Variants in TEAD1 observed in about 807,000 individuals in gnomAD.
TEAD1 encodes the protein TEA domain transcription factor 1.
Under a neutral mutation model 54.9 loss-of-function variants are expected in TEAD1, and 9 were observed. That is an observed-to-expected ratio of 0.16 (90% CI 0.10 to 0.29). The LOEUF (loss-of-function observed/expected upper bound fraction) is 0.29. Ranked by LOEUF, TEAD1 falls within the 10% of genes least tolerant of loss-of-function variation. The probability of loss-of-function intolerance (pLI) is 1.00; values close to 1 mark genes in which losing one functional copy is unlikely to be tolerated. For synonymous variants in TEAD1, 200 were observed against 187.8 expected (o/e 1.07, Z -0.53); for missense variants, 387 against 535.9 (o/e 0.72, Z 2.74).
intron 3 of TEAD1, among the ~76,000 whole-genome samples, chr11:12,811,098 A>C (rs1946291135): frequency 6.6e-6 from 1 of 152,216 alleles, no homozygotes; most frequent in Non-Finnish European, 1.5e-5. Context: ...ATATAAGCCT[A>C]AAACAGCTAT....
chr11:12,775,041 T>C (rs1945391040), intron 3 of TEAD1, among the ~76,000 whole-genome samples: 2 of 152,192 alleles, frequency 1.3e-5, no homozygotes, highest in South Asian at 4.1e-4. Flanking sequence ...AAGGAAGTTA[T>C]ATCATATTTT....
chr11:12,857,198 G>C (rs913024270), intron 3 of TEAD1, among the ~76,000 whole-genome samples: 12 of 152,078 alleles, frequency 7.9e-5, no homozygotes, highest in Non-Finnish European at 1.5e-4. Context: ...TATTATTTAG[G>C]AAAAAGAAAA....
At chr11:12,710,981 A>C (rs925816917) in intron 2 of TEAD1, among the ~76,000 whole-genome samples, 6 of 152,270 alleles carry the variant, frequency 3.9e-5, no homozygotes, top group Admixed American at 3.3e-4. Flanking sequence ...GGCCCCCGCC[A>C]TTTTGGGTTT....
At position 12,881,051 on chromosome 11, in the gene TEAD1, A is replaced by G. The variant is rs1359958794; in HGVS notation, c.512A>G (p.Asp171Gly). 1 of 1,613,964 alleles carries G rather than the reference A, an allele frequency of 6.2e-7. No individual in the cohort carries two copies. The highest frequency in any genetic ancestry group is 1.3e-5 in the African/African-American group (1 of 74,914). Residue 171 changes from aspartate (D) to glycine (G), a missense_variant and splice_region_variant, in exon 7 of 13, where the codon GAC (aspartate) becomes GGC (glycine). Physicochemically the swap from Asp to Gly is moderately conservative, Grantham distance 94 (BLOSUM62 -1). This residue lies in a region of TEAD1 where 180 missense variants were observed against 180.6 expected (regional missense o/e 1.00). Transcript: ENST00000527636. ...ACAGGGCAGCCAGGATCCTCACAAGAGTAAGTCTGAGGAGGGGTGGGCACT... is the reference window on the plus strand; with the variant it reads ...ACAGGGCAGCCAGGATCCTCACAAGGGTAAGTCTGAGGAGGGGTGGGCACT...
intron 3 of TEAD1, among the ~76,000 whole-genome samples, chr11:12,827,534 T>C (rs12277874): frequency 0.088 from 13,324 of 152,260 alleles, 720 homozygotes; most frequent in South Asian, 0.18. Context: ...AGTTAATGAC[T>C]TGCTAAAAAT....
chr11:12,703,360 T>C (rs1943743200), intron 2 of TEAD1, among the ~76,000 whole-genome samples: 3 of 152,176 alleles, frequency 2.0e-5, no homozygotes, highest in Admixed American at 2.0e-4. Flanking sequence ...ACTCCCCTGC[T>C]CGGTACGTGG....
At position 12,939,636 on chromosome 11, in the gene TEAD1, C is replaced by G. The variant is rs962896303; in HGVS notation, c.*2414C>G. 6.6e-6 allele frequency: 1 copy of G among 152,344 alleles called. No individual in the cohort carries two copies. Among genetic ancestry groups the G allele is most frequent in the Admixed American group, 6.5e-5 (1 of 15,284 alleles). 9.4% of individuals were successfully genotyped at this position (152,344 alleles called of 1,614,324 possible). A position where few individuals can be genotyped will look rare whatever the true frequency, so the allele number is the denominator to read the frequency against. ...CTGGGCCCCCCTGGTGCTTCACCAC[C>G]TGCATCCTCTTGCTCAGAATGCCTT... On this transcript the variant is annotated 3_prime_UTR_variant, in exon 13 of 13. Transcript: ENST00000527636.
At chr11:12,716,189 C>G (rs1440536094) in intron 2 of TEAD1, among the ~76,000 whole-genome samples, 2 of 152,088 alleles carry the variant, frequency 1.3e-5, no homozygotes, top group Non-Finnish European at 2.9e-5. Flanking sequence ...AAACTCCGGC[C>G]AACTCTCTCC....
intron 2 of TEAD1, among the ~76,000 whole-genome samples, chr11:12,687,719 A>G (rs1186136065): frequency 6.6e-6 from 1 of 152,142 alleles, no homozygotes; most frequent in African/African-American, 2.4e-5. Context: ...ACATATGGCT[A>G]AGGTCTTGAA....
chr11:12,738,341 T>C (rs142904864), intron 2 of TEAD1, among the ~76,000 whole-genome samples: 1 of 152,186 alleles, frequency 6.6e-6, no homozygotes, highest in African/African-American at 2.4e-5. Flanking sequence ...TCAATAAATA[T>C]TTAGCAGCCT....
intron 2 of TEAD1, among the ~76,000 whole-genome samples, chr11:12,754,699 G>T (rs1259096085): frequency 6.6e-6 from 1 of 152,326 alleles, no homozygotes; most frequent in East Asian, 1.9e-4. Context: ...AGCACTGAAT[G>T]TCAGGAGCTG....
At chr11:12,773,408 C>T (rs1027733645) in intron 3 of TEAD1, among the ~76,000 whole-genome samples, 2 of 152,182 alleles carry the variant, frequency 1.3e-5, no homozygotes, top group African/African-American at 4.8e-5. Context: ...AATCTAGTTT[C>T]TCTGCATCCT....
intron 3 of TEAD1, among the ~76,000 whole-genome samples, chr11:12,784,387 T>C (rs959592982): frequency 6.6e-6 from 1 of 152,098 alleles, no homozygotes; most frequent in South Asian, 2.1e-4. Flanking sequence ...ATTCTGGATT[T>C]GAGAACAGTT....
At chr11:12,895,520 C>T (rs993212815) in intron 9 of TEAD1, among the ~76,000 whole-genome samples, 5 of 152,160 alleles carry the variant, frequency 3.3e-5, no homozygotes, top group Admixed American at 6.6e-5. Context: ...CAGTCTGACC[C>T]GAGCTCCTTT....
intron 3 of TEAD1, among the ~76,000 whole-genome samples, chr11:12,785,674 A>G (rs910720990): frequency 3.9e-5 from 6 of 152,126 alleles, no homozygotes; most frequent in African/African-American, 1.4e-4. Flanking sequence ...AGGTTCCGGG[A>G]ACTTACAGAT....
intron 2 of TEAD1, among the ~76,000 whole-genome samples, chr11:12,707,607 G>GAA (rs2133847120): frequency 6.6e-6 from 1 of 152,342 alleles, no homozygotes; most frequent in Non-Finnish European, 1.5e-5. Context: ...AAGTAGGGAA[G>GAA]AGGGTGTCTG....
intron 3 of TEAD1, among the ~76,000 whole-genome samples, chr11:12,844,321 G>C (rs1947097126): frequency 6.6e-6 from 1 of 152,176 alleles, no homozygotes; most frequent in South Asian, 2.1e-4. Context: ...CCAGAGATTA[G>C]AGTAAAATCA....
At chr11:12,883,190 T>G (rs550975577) in intron 9 of TEAD1, 65 bp downstream of exon 9, 2 of 1,611,036 alleles carry the variant, frequency 1.2e-6, no homozygotes, top group African/African-American at 2.7e-5. Flanking sequence ...TTTACCTCCT[T>G]GCTTCTCTTT....
intron 3 of TEAD1, among the ~76,000 whole-genome samples, chr11:12,849,778 C>T (rs1947230916): frequency 6.6e-6 from 1 of 152,204 alleles, no homozygotes; most frequent in Non-Finnish European, 1.5e-5. Flanking sequence ...TTTGGCTATA[C>T]TTACCTTCTG....
Sources: gnomAD v4.1 joint callset for allele counts (sites outside exome capture counted in the v4.1 genomes callset) on GRCh38, gnomAD v4.1.1 for gene constraint, gnomAD v4.1.1 regional missense constraint, MANE v1.5 for transcripts, NCBI Gene and HGNC (gene_info 2026-07-23, HGNC 2026-07-21) for gene names.